Variants in CASP9 observed in about 807,000 individuals in gnomAD.
CASP9 encodes caspase-9.
A neutral mutation model predicts 43.5 loss-of-function variants in CASP9; 29 were observed. The observed-to-expected ratio is 0.67, with a 90% CI of 0.50 to 0.91. CASP9 has a LOEUF of 0.91. Ranked by LOEUF, CASP9 falls within the 40% of genes least tolerant of loss-of-function variation. The pLI, the probability that CASP9 is intolerant of heterozygous loss-of-function variation, is 0.00. For missense variants in CASP9, 575 were observed against 537.4 expected (o/e 1.07, Z -0.69); for synonymous variants, 206 against 211.9 (o/e 0.97, Z 0.24).
rs145937555 is a variant in CASP9 at position 15,523,117 on chromosome 1, T to G, written c.132+952A>C. Among the ~76,000 whole-genome samples, 178 of 152,338 alleles carry G rather than the reference T, an allele frequency of 1.2e-3. 2 individuals carry two copies. In the East Asian group the frequency reaches 0.032, roughly 27 times the overall value. ...GTCAAATGAGACAAAGATGGGAAAGTGCTTTTAAACAAAACCTCAAATGTT... is the reference window on the plus strand; with the variant it reads ...GTCAAATGAGACAAAGATGGGAAAGGGCTTTTAAACAAAACCTCAAATGTT... On this transcript the variant is annotated intron_variant, in intron 1 of 8. Transcript: ENST00000333868.
chr1:15,523,902 A>G (rs548892059), intron 1 of CASP9, among the ~76,000 whole-genome samples, 167 bp downstream of exon 1: 2 of 152,040 alleles, frequency 1.3e-5, no homozygotes, highest in East Asian at 3.9e-4. Context: ...CTGACTGAGT[A>G]TGGCATGGAA....
At chr1:15,520,882 G>T (rs1305016746) in intron 1 of CASP9, among the ~76,000 whole-genome samples, 1 of 152,186 alleles carries the variant, frequency 6.6e-6, no homozygotes, top group African/African-American at 2.4e-5. Context: ...CCCTGGCTGG[G>T]CGCGGTGGCT....
intron 2 of CASP9, among the ~76,000 whole-genome samples, chr1:15,516,452 G>C (rs1465465334): frequency 1.3e-5 from 2 of 151,090 alleles, no homozygotes; most frequent in Admixed American, 1.3e-4. Context: ...CTGCACTCCA[G>C]CCTGGGCCAC....
At chr1:15,513,182 C>T (rs933455783) in intron 2 of CASP9, among the ~76,000 whole-genome samples, 6 of 149,724 alleles carry the variant, frequency 4.0e-5, no homozygotes, top group East Asian at 2.0e-4. Context: ...AAAAAACGAA[C>T]GGCTCATTCT....
chr1:15,506,088 G>A lies in CASP9; in HGVS notation c.631-9C>T, dbSNP rs766041259. 4 of 1,603,442 alleles carry A rather than the reference G, an allele frequency of 2.5e-6. No individual in the cohort carries two copies. The highest frequency in any genetic ancestry group is 1.3e-5 in the African/African-American group (1 of 74,636). ...AAAGCCAGCACCATTTTCTACAAGA[G>A]AGGGCTGCAGGTGAGCCAGAAGCAC... is the stretch of plus-strand genomic sequence containing the variant. On this transcript the variant is annotated splice_polypyrimidine_tract_variant and intron_variant, in intron 4 of 8. Coordinates refer to ENST00000333868, the MANE Select transcript of CASP9 (RefSeq NM_001229.5).
chr1:15,523,952 CT>C (rs1260976871), intron 1 of CASP9, 116 bp downstream of exon 1: 1 of 723,604 alleles, frequency 1.4e-6, no homozygotes. Flanking sequence ...GTTTGGGATT[CT>C]TTGGCTCCGC....
intron 7 of CASP9, among the ~76,000 whole-genome samples, chr1:15,494,371 C>G (rs1383799658): frequency 1.3e-5 from 2 of 152,026 alleles, no homozygotes; most frequent in Non-Finnish European, 2.9e-5. Context: ...TCTTGACCAG[C>G]CTGGCCAACA....
intron 2 of CASP9, among the ~76,000 whole-genome samples, chr1:15,517,680 G>T (rs1043007014): frequency 1.3e-5 from 2 of 152,138 alleles, no homozygotes; most frequent in Admixed American, 1.3e-4. Context: ...TATAAACGAA[G>T]AAGGTAAGGG....
At position 15,492,782 on chromosome 1, in the gene CASP9, G is replaced by A; in HGVS notation, c.*161C>T. The A allele has an allele frequency of 1.0e-6, 1 of 972,892 alleles. No individual in the cohort carries two copies. The highest frequency in any genetic ancestry group is 1.5e-6 in the Non-Finnish European group (1 of 658,716). The allele number at this position is 972,892 out of a possible 1,614,324, so 60.3% of individuals were successfully genotyped here. ...ACTGTTCAGCACTTGTCGTCAATCT[G>A]GAAGCTGCTAAGAGCCTGTCTGTCA... On this transcript the variant is annotated 3_prime_UTR_variant, in exon 9 of 9. Transcript: ENST00000333868.
intron 2 of CASP9, among the ~76,000 whole-genome samples, chr1:15,508,182 C>G (rs757010152): frequency 3.2e-4 from 49 of 152,314 alleles, no homozygotes; most frequent in Middle Eastern, 3.4e-3. Flanking sequence ...TCCCTGAGGC[C>G]TTATTCATCA....
intron 2 of CASP9, among the ~76,000 whole-genome samples, chr1:15,514,025 C>T (rs1709862255): frequency 6.6e-6 from 1 of 152,296 alleles, no homozygotes; most frequent in South Asian, 2.1e-4. Context: ...GATGTGTCCA[C>T]ATTATTATTC....
intron 6 of CASP9, among the ~76,000 whole-genome samples, chr1:15,495,875 G>GGAA (rs779053128): frequency 6.6e-6 from 1 of 152,120 alleles, no homozygotes; most frequent in Non-Finnish European, 1.5e-5. Flanking sequence ...AAAAATGCAG[G>GGAA]TTCCCTGCAT....
intron 2 of CASP9, among the ~76,000 whole-genome samples, chr1:15,510,226 G>A (rs1169164012): frequency 6.6e-6 from 1 of 151,954 alleles, no homozygotes; most frequent in Non-Finnish European, 1.5e-5. Context: ...CACCACGCCC[G>A]GCCTACATTT....
intron 6 of CASP9, among the ~76,000 whole-genome samples, chr1:15,500,753 T>C (rs1709295425): frequency 6.6e-6 from 1 of 151,992 alleles, no homozygotes; most frequent in Admixed American, 6.5e-5. Flanking sequence ...GAGGCGTGAA[T>C]GTGATGGTGC....
At chr1:15,508,866 A>G (rs912617306) in intron 2 of CASP9, among the ~76,000 whole-genome samples, 1 of 152,074 alleles carries the variant, frequency 6.6e-6, no homozygotes, top group Non-Finnish European at 1.5e-5. Flanking sequence ...AAGAGGCTCT[A>G]TCTTCCCTTT....
intron 2 of CASP9, among the ~76,000 whole-genome samples, chr1:15,515,208 C>T (rs1709906577): frequency 6.6e-6 from 1 of 152,200 alleles, no homozygotes; most frequent in African/African-American, 2.4e-5. Context: ...CAAATAACAA[C>T]AGATGAGCTT....
chr1:15,524,568 T>TATCCCCGCACTGACCTCAC, upstream of CASP9: 1 of 313,218 alleles, frequency 3.2e-6, no homozygotes, highest in Non-Finnish European at 3.9e-6. Flanking sequence ...ACCCGCCCCG[T>TATCCCCGCACTGACCTCAC]ATCCCCGCAC....
At chr1:15,495,865 A>T in intron 6 of CASP9, among the ~76,000 whole-genome samples, 1 of 152,224 alleles carries the variant, frequency 6.6e-6, no homozygotes, top group Non-Finnish European at 1.5e-5. Context: ...TATCTTACGT[A>T]AAAATGCAGG....
At chr1:15,523,421 G>A (rs1205307462) in intron 1 of CASP9, among the ~76,000 whole-genome samples, 1 of 152,172 alleles carries the variant, frequency 6.6e-6, no homozygotes, top group Non-Finnish European at 1.5e-5. Context: ...GTGGGTTCCC[G>A]AAACCTCTAT....
Sources: allele counts gnomAD v4.1 joint callset (sites outside exome capture counted in the v4.1 genomes callset), GRCh38; gene constraint gnomAD v4.1.1; transcripts MANE v1.5; gene names NCBI Gene and HGNC (gene_info 2026-07-23, HGNC 2026-07-21).